The following G3BP2 variants were observed in gnomAD, a reference collection of about 807,000 sequenced individuals.
The protein encoded by G3BP2 is ras GTPase-activating protein-binding protein 2.
Under a neutral mutation model 56.7 loss-of-function variants are expected in G3BP2, and 11 were observed. The ratio of observed to expected loss-of-function variants is 0.19; its 90% confidence interval spans 0.12 to 0.32. The LOEUF (loss-of-function observed/expected upper bound fraction) is 0.32. Ranked by LOEUF, G3BP2 falls within the 10% of genes least tolerant of loss-of-function variation. The pLI is 1.00. For missense variants in G3BP2, 340 were observed against 610.9 expected (o/e 0.56, Z 4.67); for synonymous variants, 165 against 191.6 (o/e 0.86, Z 1.15).
At chr4:75,664,823 T>C (rs1732871569) in intron 1 of G3BP2, among the ~76,000 whole-genome samples, 1 of 152,056 alleles carries the variant, frequency 6.6e-6, no homozygotes, top group Non-Finnish European at 1.5e-5. Context: ...CACTCCAGCC[T>C]GGGCAACTGA....
chr4:75,655,619 A>T (rs1022512488), intron 6 of G3BP2, 149 bp downstream of exon 6: 2 of 588,474 alleles, frequency 3.4e-6, no homozygotes, highest in East Asian at 2.8e-5. Context: ...CATTCTTTCC[A>T]AATTTCTTGC....
At chr4:75,664,522 G>A (rs1269084150) in intron 1 of G3BP2, among the ~76,000 whole-genome samples, 1 of 152,062 alleles carries the variant, frequency 6.6e-6, no homozygotes, top group Non-Finnish European at 1.5e-5. Context: ...TTTGTAGTGG[G>A]CCAAGATCAT....
intron 3 of G3BP2, among the ~76,000 whole-genome samples, chr4:75,715,487 G>C (rs1487602731): frequency 6.6e-6 from 1 of 152,178 alleles, no homozygotes; most frequent in Non-Finnish European, 1.5e-5. Context: ...GGCAGAGTAT[G>C]GATCCCATGT....
intron 7 of G3BP2, among the ~76,000 whole-genome samples, chr4:75,654,628 T>TA (rs955478989): frequency 7.2e-5 from 11 of 152,234 alleles, no homozygotes; most frequent in Admixed American, 3.3e-4. Flanking sequence ...CTTTCCAAGA[T>TA]AGTTTAATTG....
chr4:75,666,312 T>G (rs1733032197), intron 1 of G3BP2, among the ~76,000 whole-genome samples: 1 of 152,204 alleles, frequency 6.6e-6, no homozygotes, highest in African/African-American at 2.4e-5. Context: ...ACTTGAAAAG[T>G]TAACTTCAAA....
At chr4:75,718,128 C>A (rs1719999382) in intron 3 of G3BP2, among the ~76,000 whole-genome samples, 1 of 132,682 alleles carries the variant, frequency 7.5e-6, no homozygotes, top group Non-Finnish European at 1.6e-5. Context: ...GAATGAGACT[C>A]CGTCGCAAAA....
chr4:75,655,873 G>GA lies in G3BP2; in HGVS notation c.443-4dup. 1 of 1,395,788 alleles carries GA rather than the reference G, an allele frequency of 7.2e-7. No homozygotes were observed. 86.5% of individuals were successfully genotyped at this position (1,395,788 alleles called of 1,614,324 possible). ...CTCTTCTACTTCATCTTCTGATTCT[G>GA]AAAATACATAATACAGCACATCTTT... is the stretch of plus-strand genomic sequence containing the variant. On this transcript the variant is annotated splice_polypyrimidine_tract_variant and splice_region_variant and intron_variant, in intron 5 of 11. Transcript: ENST00000359707.
Position 75,684,814 on chromosome 4 carries a change from A to G in G3BP2, c.-24-22765T>C, listed in dbSNP as rs145869510. Among the ~76,000 whole-genome samples, 512 of 152,130 alleles carry G rather than the reference A, an allele frequency of 3.4e-3. 4 individuals carry two copies. Among genetic ancestry groups the G allele is most frequent in the African/African-American group, 0.012 (497 of 41,530 alleles). On this transcript the variant is annotated intron_variant, in intron 3 of 3. Transcript: ENST00000499709. The stretch of plus-strand genomic sequence containing the variant: ...GTCTCTTTTTTTTTTTGCTGAAAAG[A>G]TCCATATTTCATTGTCTTCTAAAAT...
Position 75,650,481 on chromosome 4 carries a change from T to G in G3BP2, c.826-1740A>C, listed in dbSNP as rs149899523. 2.3e-3 allele frequency among the ~76,000 whole-genome samples: 352 copies of G among 149,952 alleles called. 1 individual carries two copies. The highest frequency in any genetic ancestry group is 8.3e-3 in the African/African-American group (339 of 40,602). ...AAAATGACAATTTAATGTAAATGAT[T>G]TCAGCCACTGTAACCAAAAGGAATA... On this transcript the variant is annotated intron_variant, in intron 8 of 11. Coordinates refer to ENST00000359707, the MANE Select transcript of G3BP2 (RefSeq NM_203505.3).
chr4:75,719,313 A>T, intron 3 of G3BP2, among the ~76,000 whole-genome samples: 1 of 138,228 alleles, frequency 7.2e-6, no homozygotes, highest in Non-Finnish European at 1.5e-5. Context: ...CCGCCACTGC[A>T]CTCCAGCCTG....
At chr4:75,713,133 T>G (rs1719816807) in intron 3 of G3BP2, among the ~76,000 whole-genome samples, 1 of 152,204 alleles carries the variant, frequency 6.6e-6, no homozygotes, top group Non-Finnish European at 1.5e-5. Context: ...TACCTAGTTT[T>G]TATCCTCCCT....
intron 1 of G3BP2, among the ~76,000 whole-genome samples, chr4:75,667,288 T>TAAAA (rs33912343): frequency 3.6e-5 from 5 of 137,314 alleles, no homozygotes; most frequent in South Asian, 2.4e-4. Context: ...AGACACTGTT[T>TAAAA]AAAAAAAAAA....
intron 7 of G3BP2, among the ~76,000 whole-genome samples, chr4:75,654,425 A>G (rs1434151981): frequency 6.6e-6 from 1 of 152,238 alleles, no homozygotes; most frequent in Non-Finnish European, 1.5e-5. Flanking sequence ...GGGGTAAGAT[A>G]GGGTGTGTGA....
chr4:75,698,965 G>C (rs773317207), intron 3 of G3BP2, among the ~76,000 whole-genome samples: 3 of 152,074 alleles, frequency 2.0e-5, no homozygotes, highest in Non-Finnish European at 4.4e-5. Context: ...ATACAGGCTT[G>C]AGCCACCACA....
intron 1 of G3BP2, among the ~76,000 whole-genome samples, chr4:75,667,463 C>G (rs1733146080): frequency 6.6e-6 from 1 of 152,198 alleles, no homozygotes; most frequent in Non-Finnish European, 1.5e-5. Flanking sequence ...TCACACTCCA[C>G]TTCTTCCAAT....
At chr4:75,654,911 C>G in intron 7 of G3BP2, 155 bp downstream of exon 7, 1 of 601,786 alleles carries the variant, frequency 1.7e-6, no homozygotes, top group Non-Finnish European at 2.9e-6. Flanking sequence ...GAAACAATAA[C>G]ATTTTCTCAG....
At chr4:75,711,152 T>G (rs1272320913) in intron 3 of G3BP2, among the ~76,000 whole-genome samples, 1 of 150,862 alleles carries the variant, frequency 6.6e-6, no homozygotes, top group African/African-American at 2.4e-5. Flanking sequence ...AAACCCCATC[T>G]CTACTAAAAT....
chr4:75,659,579 A>ATT (rs774692501), intron 2 of G3BP2, among the ~76,000 whole-genome samples: 2 of 152,182 alleles, frequency 1.3e-5, no homozygotes, highest in African/African-American at 2.4e-5. Context: ...TGTGAAGCTA[A>ATT]TTTTTTCACA....
At chr4:75,666,636 G>A (rs1733059188) in intron 1 of G3BP2, among the ~76,000 whole-genome samples, 1 of 152,116 alleles carries the variant, frequency 6.6e-6, no homozygotes. Context: ...TGAAAATTGA[G>A]TAAGTAATAT....
Sources: allele counts gnomAD v4.1 joint callset (sites outside exome capture counted in the v4.1 genomes callset), GRCh38; gene constraint gnomAD v4.1.1; transcripts MANE v1.5; gene names NCBI Gene and HGNC (gene_info 2026-07-23, HGNC 2026-07-21).